SAMD3: variants seen among roughly 807,000 people sequenced by gnomAD.
SAMD3 encodes sterile alpha motif domain containing 3.
Under a neutral mutation model 58.5 loss-of-function variants are expected in SAMD3, and 63 were observed. The observed-to-expected ratio is 1.08, with a 90% CI of 0.88 to 1.33. The LOEUF (loss-of-function observed/expected upper bound fraction) is 1.33, where lower values mean the gene tolerates loss of function less well. Among genes scored for constraint, SAMD3 ranks in the 40% most tolerant of loss-of-function variants. SAMD3 has a pLI of 0.00. For synonymous variants in SAMD3, 220 were observed against 210.3 expected (o/e 1.05, Z -0.40); for missense variants, 604 against 608.4 (o/e 0.99, Z 0.08).
intron 2 of SAMD3, chr6:130,215,889 T>C: frequency 6.9e-7 from 1 of 1,458,408 alleles, no homozygotes; most frequent in Non-Finnish European, 9.3e-7. Context: ...CCCACATTTC[T>C]CTGGAGAATC....
Position 130,209,666 on chromosome 6 carries a change from A to G in SAMD3, c.270-58T>C, listed in dbSNP as rs1795367227. 13 of 1,130,890 alleles carry G rather than the reference A, an allele frequency of 1.1e-5. 1 individual carries two copies. The South Asian group carries it at 1.5e-4, about 13-fold the overall frequency. 70.1% of individuals were successfully genotyped at this position (1,130,890 alleles called of 1,614,324 possible). On this transcript the variant is annotated intron_variant, in intron 4 of 11. Transcript: ENST00000439090. The stretch of plus-strand genomic sequence containing the variant: ...AAGAGGTGATATGACCATTGATCTC[A>G]CAGCAGCTCTGAAGGTAGCACCAGC...
At chr6:130,166,491 T>A (rs34197960) in intron 8 of SAMD3, among the ~76,000 whole-genome samples, 2 of 152,328 alleles carry the variant, frequency 1.3e-5, no homozygotes, top group South Asian at 4.1e-4. Context: ...TTTTATTGTA[T>A]ATTAAGTTCC....
chr6:130,308,531 C>T (rs1395312563), intron 2 of SAMD3, among the ~76,000 whole-genome samples: 1 of 151,296 alleles, frequency 6.6e-6, no homozygotes, highest in African/African-American at 2.4e-5. Context: ...AGCATAATAC[C>T]CAATTTTGAT....
intron 5 of SAMD3, among the ~76,000 whole-genome samples, chr6:130,193,824 G>A (rs996978429): frequency 2.0e-5 from 3 of 152,132 alleles, no homozygotes; most frequent in South Asian, 2.1e-4. Context: ...ACGGTCTGAG[G>A]TGCCTGATGT....
upstream of SAMD3, among the ~76,000 whole-genome samples, chr6:130,225,793 C>T (rs1447202777): frequency 6.6e-6 from 1 of 152,182 alleles, no homozygotes; most frequent in African/African-American, 2.4e-5. Context: ...ATTTCTATAA[C>T]CAGGCCAAAA....
intron 2 of SAMD3, among the ~76,000 whole-genome samples, chr6:130,267,186 G>A (rs1026132778): frequency 6.6e-6 from 1 of 152,196 alleles, no homozygotes; most frequent in African/African-American, 2.4e-5. Flanking sequence ...TAACAAAACT[G>A]GCACATGTGC....
chr6:130,199,690 T>C (rs954428116), intron 5 of SAMD3, among the ~76,000 whole-genome samples: 4 of 152,152 alleles, frequency 2.6e-5, no homozygotes, highest in Admixed American at 6.5e-5. Flanking sequence ...CACGTGCCAA[T>C]GAACAAGGTG....
chr6:130,259,694 A>G (rs922620715), intron 2 of SAMD3, among the ~76,000 whole-genome samples: 2 of 151,962 alleles, frequency 1.3e-5, no homozygotes, highest in Non-Finnish European at 2.9e-5. Context: ...GACTCAATGT[A>G]TTTTTTTTAA....
chr6:130,178,415 CT>C (rs1791946764), intron 7 of SAMD3, among the ~76,000 whole-genome samples: 2 of 151,850 alleles, frequency 1.3e-5, no homozygotes, highest in African/African-American at 4.8e-5. Context: ...GCATATGGGC[CT>C]GTGTTTCCCT....
intron 1 of SAMD3, among the ~76,000 whole-genome samples, chr6:130,347,563 A>G (rs561567330): frequency 2.0e-5 from 3 of 152,310 alleles, no homozygotes. Flanking sequence ...GCCTCCAAGA[A>G]ATATGGGACT....
Position 130,209,488 on chromosome 6 carries a change from C to A in SAMD3, c.383+7G>T, listed in dbSNP as rs1379919836. ...GCTTTAAACTGTCTTAAAGTTGGTA[C>A]CCCCACCTCTGTTTCAATACTCTTT... On this transcript the variant is annotated splice_region_variant and intron_variant, in intron 5 of 11. Coordinates refer to ENST00000439090, the MANE Select transcript of SAMD3 (RefSeq NM_001017373.4). 3 of 1,507,336 alleles carry A rather than the reference C, an allele frequency of 2.0e-6. No individual in the cohort carries two copies. Among genetic ancestry groups the A allele is most frequent in the African/African-American group, 2.7e-5 (2 of 72,792 alleles). 93.4% of individuals were successfully genotyped at this position (1,507,336 alleles called of 1,614,324 possible).
At chr6:130,247,175 T>G (rs73604000) in intron 2 of SAMD3, among the ~76,000 whole-genome samples, 2,947 of 152,202 alleles carry the variant, frequency 0.019, 93 homozygotes, top group African/African-American at 0.067. Flanking sequence ...GGAATCATCA[T>G]GAAAATGTTC....
intron 7 of SAMD3, chr6:130,183,040 T>C (rs1236562874): frequency 3.7e-6 from 1 of 269,056 alleles, no homozygotes; most frequent in East Asian, 9.9e-5. Context: ...ATAGTGTTGA[T>C]TATATTCACA....
chr6:130,296,277 T>A (rs1775566853), intron 2 of SAMD3, among the ~76,000 whole-genome samples: 1 of 152,068 alleles, frequency 6.6e-6, no homozygotes, highest in South Asian at 2.1e-4. Context: ...AGAACCAGGA[T>A]CTGTTGGAGT....
chr6:130,287,903 C>T (rs1002595637), intron 2 of SAMD3, among the ~76,000 whole-genome samples: 2 of 151,094 alleles, frequency 1.3e-5, no homozygotes, highest in Non-Finnish European at 2.9e-5. Flanking sequence ...TGAGATCACG[C>T]CACTGCACTC....
chr6:130,170,290 G>A (rs549279275), intron 8 of SAMD3, among the ~76,000 whole-genome samples: 2 of 152,168 alleles, frequency 1.3e-5, no homozygotes, highest in African/African-American at 4.8e-5. Context: ...ATGAGAACAC[G>A]TGGTGTGTTT....
At chr6:130,319,407 C>T (rs1409396679) in intron 1 of SAMD3, among the ~76,000 whole-genome samples, 4 of 151,952 alleles carry the variant, frequency 2.6e-5, no homozygotes, top group Non-Finnish European at 5.9e-5. Context: ...GCGAAAGACA[C>T]ATTAGATACA....
At chr6:130,252,861 A>G (rs562612227) in intron 2 of SAMD3, among the ~76,000 whole-genome samples, 17 of 152,272 alleles carry the variant, frequency 1.1e-4, no homozygotes, top group African/African-American at 2.9e-4. Flanking sequence ...TTCTCAGTCT[A>G]TATTGGGTAT....
chr6:130,267,543 T>A (rs889073358), intron 2 of SAMD3, among the ~76,000 whole-genome samples: 8 of 152,166 alleles, frequency 5.3e-5, no homozygotes, highest in Non-Finnish European at 1.2e-4. Context: ...TGTTTTATAT[T>A]GTTTTATACT....
Sources: allele counts gnomAD v4.1 joint callset (sites outside exome capture counted in the v4.1 genomes callset), GRCh38; gene constraint gnomAD v4.1.1; transcripts MANE v1.5; gene names NCBI Gene and HGNC (gene_info 2026-07-23, HGNC 2026-07-21).